TENM1: variants seen among roughly 807,000 people sequenced by gnomAD.
TENM1 encodes the protein teneurin transmembrane protein 1, also known as teneurin-1.
A neutral mutation model predicts 174.8 loss-of-function variants in TENM1; 35 were observed. That is an observed-to-expected ratio of 0.20 (90% CI 0.15 to 0.27). The LOEUF is 0.27. TENM1 is among the 10% of genes least tolerant of loss of function. The probability of loss-of-function intolerance (pLI) is 1.00; values close to 1 mark genes in which losing one functional copy is unlikely to be tolerated. For synonymous variants in TENM1, 781 were observed against 798.7 expected (o/e 0.98, Z 0.37); for missense variants, 1,633 against 2,130.1 (o/e 0.77, Z 4.59).
chrX:124,638,150 G>T (rs1252078195), intron 11 of TENM1, among the ~76,000 whole-genome samples: 1 of 111,068 alleles, frequency 9.0e-6, no homozygotes, highest in African/African-American at 3.3e-5. Context: ...GTGGGGTAGG[G>T]TTTAGGGTAC....
At chrX:124,984,868 C>T in the TENM1 span, among the ~76,000 whole-genome samples, 11 of 112,021 alleles carry the variant, frequency 9.8e-5, no homozygotes, top group Admixed American at 6.6e-4. Flanking sequence ...TAATAGGTTT[C>T]ACTGATACAA....
intron 3 of TENM1, among the ~76,000 whole-genome samples, chrX:124,764,721 TA>T (rs1287236243): frequency 9.1e-6 from 1 of 109,541 alleles, no homozygotes; most frequent in Non-Finnish European, 1.9e-5. Flanking sequence ...ATTGGACATT[TA>T]AAAAATACGT....
the TENM1 span, among the ~76,000 whole-genome samples, chrX:125,193,518 C>T: frequency 1.7e-4 from 19 of 111,273 alleles, no homozygotes; most frequent in African/African-American, 3.9e-4. Flanking sequence ...CCCTTGCGTC[C>T]GGTGTATTAG....
chrX:125,108,249 A>G, the TENM1 span, among the ~76,000 whole-genome samples: 1 of 110,753 alleles, frequency 9.0e-6, no homozygotes, highest in Non-Finnish European at 1.9e-5. Context: ...TTTTCACCTC[A>G]CCATTGGCAA....
intron 3 of TENM1, among the ~76,000 whole-genome samples, chrX:124,825,186 G>C (rs1370472949): frequency 4.0e-5 from 3 of 74,467 alleles, no homozygotes; most frequent in Non-Finnish European, 7.3e-5. Context: ...TTTTTTTGAC[G>C]GAGTCTCACT....
chrX:125,163,479 C>T, the TENM1 span, among the ~76,000 whole-genome samples: 14 of 111,036 alleles, frequency 1.3e-4, no homozygotes, highest in Non-Finnish European at 1.9e-4. Flanking sequence ...TGGAGCAGTT[C>T]ATGTTCCTTC....
chrX:124,523,226 T>A, intron 17 of TENM1, 138 bp downstream of exon 20: 1 of 666,085 alleles, frequency 1.5e-6, no homozygotes, highest in African/African-American at 2.2e-5. Context: ...GAAAAACATT[T>A]GAAGACTTCT....
chrX:124,812,463 G>A (rs746685124), intron 3 of TENM1, among the ~76,000 whole-genome samples: 4 of 111,161 alleles, frequency 3.6e-5, no homozygotes, highest in African/African-American at 1.3e-4. Flanking sequence ...CAACTCTAAC[G>A]TCTATCTAGC....
chrX:124,824,558 A>G (rs1286048683), intron 3 of TENM1, among the ~76,000 whole-genome samples: 1 of 112,030 alleles, frequency 8.9e-6, no homozygotes, highest in Non-Finnish European at 1.9e-5. Context: ...CTAATTCCCA[A>G]TAATTTTATG....
In TENM1 at chrX:124,905,184, G is replaced by T. The variant is rs182807299; in HGVS notation, c.218-8943C>A. On this transcript the variant is annotated intron_variant, in intron 1 of 31. Transcript: ENST00000422452. ...ATTAAAAAAAAAATTAGCCAGGTGT[G>T]GTGGCATGTGCTTGTAGTCCCAGCT... is the stretch of plus-strand genomic sequence containing the variant. Among the ~76,000 whole-genome samples the T allele has an allele frequency of 3.7e-3, 402 of 110,086 alleles. 5 individuals are homozygous for T. Among genetic ancestry groups the T allele is most frequent in the Non-Finnish European group, 4.9e-3 (257 of 52,724 alleles).
intron 10 of TENM1, among the ~76,000 whole-genome samples, chrX:124,643,885 TA>T (rs2051080398): frequency 9.2e-6 from 1 of 108,257 alleles, no homozygotes; most frequent in South Asian, 3.9e-4. Context: ...GATGTGATAG[TA>T]TTTTTTTACT....
At chrX:124,888,418 C>T (rs985607413) in intron 3 of TENM1, among the ~76,000 whole-genome samples, 6 of 111,842 alleles carry the variant, frequency 5.4e-5, no homozygotes, top group African/African-American at 2.0e-4. Flanking sequence ...ACAATGACAA[C>T]GGGAAATACA....
At chrX:124,962,937 C>G (rs2058677407) in intron 1 of TENM1, among the ~76,000 whole-genome samples, 1 of 112,695 alleles carries the variant, frequency 8.9e-6, no homozygotes, top group African/African-American at 3.2e-5. Context: ...TCAATTGGAA[C>G]AGGAAATCGT....
intron 20 of TENM1, among the ~76,000 whole-genome samples, chrX:124,491,772 C>T (rs1377011694): frequency 8.9e-6 from 1 of 111,732 alleles, no homozygotes; most frequent in South Asian, 3.7e-4. Context: ...CAATTGGAAA[C>T]GTTTCGGATC....
At position 124,539,451 on chromosome X, in the gene TENM1, TG is replaced by T. The variant is rs778396358; in HGVS notation, c.2651+7422del. Among the ~76,000 whole-genome samples the T allele has an allele frequency of 7.1e-5, 8 of 112,049 alleles. No homozygotes were observed. The South Asian group carries it at 2.2e-3, about 31-fold the overall frequency. On this transcript the variant is annotated intron_variant, in intron 15 of 31. Coordinates refer to ENST00000422452, the Ensembl canonical transcript of TENM1. ...ACTAGACTGTATGGGGAAGAGATTTTGTCCACTATAACCCAGAGCTTAGAAG... is the reference window on the plus strand; with the variant it reads ...ACTAGACTGTATGGGGAAGAGATTTTTCCACTATAACCCAGAGCTTAGAAG...
At chrX:124,863,425 C>A (rs2056948827) in intron 3 of TENM1, among the ~76,000 whole-genome samples, 1 of 110,889 alleles carries the variant, frequency 9.0e-6, no homozygotes, top group Non-Finnish European at 1.9e-5. Context: ...GCAGTATTCA[C>A]AAAAAGCTGA....
intron 1 of TENM1, among the ~76,000 whole-genome samples, chrX:124,951,883 C>G (rs1378708026): frequency 9.1e-6 from 1 of 109,614 alleles, no homozygotes; most frequent in African/African-American, 3.3e-5. Context: ...CCGCTTGTAG[C>G]TTGTACTTTT....
chrX:124,865,700 CCAAT>C (rs780500755), intron 3 of TENM1, among the ~76,000 whole-genome samples: 173 of 111,167 alleles, frequency 1.6e-3, no homozygotes, highest in Non-Finnish European at 2.7e-3. Context: ...ACTAAACTCT[CCAAT>C]CAAAAGACAC....
intron 23 of TENM1, among the ~76,000 whole-genome samples, chrX:124,452,558 GAC>G (rs2061051411): frequency 9.0e-6 from 1 of 111,152 alleles, no homozygotes; most frequent in South Asian, 3.9e-4. Flanking sequence ...CTGCTATAAA[GAC>G]ACATGCACAC....
Sources: allele counts gnomAD v4.1 joint callset (sites outside exome capture counted in the v4.1 genomes callset), GRCh38; gene constraint gnomAD v4.1.1; transcripts MANE v1.5; gene names NCBI Gene and HGNC (gene_info 2026-07-23, HGNC 2026-07-21).